THAP5: variants seen among roughly 807,000 people sequenced by gnomAD.
THAP5 encodes the protein THAP domain containing 5, also known as THAP domain-containing protein 5.
Under a neutral mutation model 34.0 loss-of-function variants are expected in THAP5, and 26 were observed. The observed-to-expected ratio is 0.77, with a 90% CI of 0.56 to 1.06. The LOEUF is 1.06. Among genes scored for constraint, THAP5 ranks in the 50% least tolerant of loss-of-function variants. The pLI is 0.00. For synonymous variants in THAP5, 125 were observed against 153.0 expected (o/e 0.82, Z 1.35); for missense variants, 394 against 452.8 (o/e 0.87, Z 1.18).
chr7:108,553,227 T>C (rs1025787117), downstream of THAP5, among the ~76,000 whole-genome samples: 1 of 152,140 alleles, frequency 6.6e-6, no homozygotes, highest in Middle Eastern at 3.4e-3. Context: ...TTTTTTTTAA[T>C]AGACAGGGTC....
At chr7:108,551,753 A>T (rs189972589), downstream of THAP5, among the ~76,000 whole-genome samples, 8 of 152,208 alleles carry the variant, frequency 5.3e-5, no homozygotes, top group Non-Finnish European at 8.8e-5. Context: ...ACATTAAAAA[A>T]TATAGATGCT....
rs1227004589 is a variant in THAP5, at chr7:108,562,979, A to G, written c.*1212T>C. 6.6e-6 allele frequency: 1 copy of G among 151,814 alleles called. No homozygotes were observed. The highest frequency in any genetic ancestry group is 6.6e-5 in the Admixed American group (1 of 15,230). The allele number at this position is 151,814 out of a possible 1,614,324, so 9.4% of individuals were successfully genotyped here. On this transcript the variant is annotated 3_prime_UTR_variant, in exon 3 of 3. Transcript: ENST00000415914. ...TTATTCTGGAATTTAACAATGAATA[A>G]GCACATATTTTAAAGGCCACACCTA...
intron 2 of THAP5, 144 bp downstream of exon 2, chr7:108,565,686 T>C (rs1032293089): frequency 3.5e-6 from 2 of 578,396 alleles, no homozygotes; most frequent in Non-Finnish European, 5.5e-6. Context: ...TTATCACTTT[T>C]AGTAAAAGCA....
At chr7:108,568,768 A>G (rs537908989) in intron 1 of THAP5, among the ~76,000 whole-genome samples, 2 of 152,312 alleles carry the variant, frequency 1.3e-5, no homozygotes, top group African/African-American at 2.4e-5. Context: ...ACCAAAGCTT[A>G]AATACTTTCC....
At chr7:108,546,794 G>A in the THAP5 span, among the ~76,000 whole-genome samples, 1 of 152,156 alleles carries the variant, frequency 6.6e-6, no homozygotes, top group African/African-American at 2.4e-5. Context: ...GTACTCTTCA[G>A]AAATACATTA....
chr7:108,550,966 C>T (rs892618995), downstream of THAP5, among the ~76,000 whole-genome samples: 2 of 152,028 alleles, frequency 1.3e-5, no homozygotes, highest in African/African-American at 4.8e-5. Flanking sequence ...TGGGAGATTC[C>T]TTCAACTTTA....
chr7:108,561,268 ATTTTTTT>A (rs34702798), downstream of THAP5, among the ~76,000 whole-genome samples: 2 of 148,050 alleles, frequency 1.4e-5, no homozygotes, highest in Non-Finnish European at 3.0e-5. Context: ...ACAACATACC[ATTTTTTT>A]TTTTTAAAGA....
downstream of THAP5, among the ~76,000 whole-genome samples, chr7:108,553,301 C>G (rs1436745572): frequency 6.6e-6 from 1 of 152,094 alleles, no homozygotes; most frequent in Non-Finnish European, 1.5e-5. Context: ...CCTTGGCCTC[C>G]CAAAGTGCTG....
Position 108,565,081 on chromosome 7 carries a change from A to G in THAP5, c.298T>C (p.Ser100Pro). The stretch of plus-strand genomic sequence containing the variant: ...TCATCTTCCAAGTTTTTCTTCTGGG[A>G]TTTTTTTTTAGAAGGGTCTTTTCCC... ...NQGKDPSKKK[S>P]QKKNLEDEKE... Residue 100 changes from serine to proline, a missense_variant, in exon 3 of 3, where the codon TCC (serine) becomes CCC (proline). Ser to Pro is a moderately conservative substitution (Grantham distance 74). Transcript: ENST00000415914. The G allele has an allele frequency of 2.0e-6, 3 of 1,507,674 alleles. No homozygotes were observed. The highest frequency in any genetic ancestry group is 2.7e-6 in the Non-Finnish European group (3 of 1,129,040). The allele number at this position is 1,507,674 out of a possible 1,614,324, so 93.4% of individuals were successfully genotyped here. A position where few individuals can be genotyped will look rare whatever the true frequency, so the allele number is the denominator to read the frequency against.
chr7:108,555,122 AG>A (rs1411857969), intron 1 of THAP5, among the ~76,000 whole-genome samples: 3 of 152,128 alleles, frequency 2.0e-5, no homozygotes, highest in Admixed American at 2.0e-4. Flanking sequence ...TATGCTAATT[AG>A]TGACCATTAA....
At chr7:108,550,054 G>A (rs1564006972), downstream of THAP5, among the ~76,000 whole-genome samples, 2 of 152,086 alleles carry the variant, frequency 1.3e-5, no homozygotes, top group Admixed American at 6.6e-5. Flanking sequence ...AAGATAAACA[G>A]TTTTTTTATT....
intron 1 of THAP5, among the ~76,000 whole-genome samples, chr7:108,567,479 A>T (rs1599014141): frequency 2.0e-5 from 3 of 152,000 alleles, no homozygotes; most frequent in African/African-American, 7.2e-5. Context: ...TCAACTCATT[A>T]AAAAAAACTT....
chr7:108,567,526 T>C (rs920877306), intron 1 of THAP5, among the ~76,000 whole-genome samples: 1 of 152,230 alleles, frequency 6.6e-6, no homozygotes, highest in South Asian at 2.1e-4. Flanking sequence ...TTGTATTGCT[T>C]CAATAGGTAA....
intron 1 of THAP5, among the ~76,000 whole-genome samples, chr7:108,568,117 C>T (rs1790525016): frequency 6.6e-6 from 1 of 152,202 alleles, no homozygotes; most frequent in South Asian, 2.1e-4. Flanking sequence ...TGTTTTCCTC[C>T]CCCAAACATC....
chr7:108,564,457 A>G lies in THAP5; in HGVS notation c.922T>C (p.Tyr308His). The change falls in exon 3 of 3, where the codon TAT becomes CAT. Residue 308 changes from tyrosine (Y) to histidine (H), a missense_variant. By Grantham distance (83) the Tyr-to-His change is moderately conservative. Coordinates refer to ENST00000415914, the MANE Select transcript of THAP5 (RefSeq NM_001130475.3). ...MEDTDIEDSL[Y>H]KDVDYGTEVL... is the part of the protein sequence containing the mutation. ...TCTGTCCCATAGTCTACATCCTTAT[A>G]CAAGGAGTCTTCAATGTCTGTGTCT... 1.2e-6 allele frequency: 2 copies of G among 1,613,958 alleles called. No individual in the cohort carries two copies. The highest frequency in any genetic ancestry group is 1.7e-6 in the Non-Finnish European group (2 of 1,179,918).
chr7:108,569,446 G>A (rs571350021), intron 1 of THAP5, 44 bp downstream of exon 1: 2 of 1,551,070 alleles, frequency 1.3e-6, no homozygotes, highest in Admixed American at 2.0e-5. Flanking sequence ...ACAGGTCCAA[G>A]GCCTCACGGC....
intron 1 of THAP5, among the ~76,000 whole-genome samples, chr7:108,555,092 T>C (rs1008093643): frequency 1.3e-5 from 2 of 152,176 alleles, no homozygotes; most frequent in Non-Finnish European, 2.9e-5. Flanking sequence ...AAAATATACC[T>C]ACCTAGGTTA....
rs760292216 is a variant in THAP5, at chr7:108,564,419, G to A, written c.960C>T (p.Ile320=). ...TATCTTGTCTGCAGTAAGAATGTTC[G>A]ATTTGTAAAACTTCTGTCCCATAGT... The part of the protein sequence containing the change: ...DVDYGTEVLQ[I]EHSYCRQDIN... The change falls in exon 3 of 3, where the codon ATC becomes ATT. Residue 320 remains isoleucine, a synonymous_variant. Transcript: ENST00000415914. 4.3e-6 allele frequency: 7 copies of A among 1,613,836 alleles called. No homozygotes were observed. Among genetic ancestry groups the A allele is most frequent in the African/African-American group, 4.0e-5 (3 of 75,034 alleles).
At chr7:108,554,500 C>A (rs1357383887), downstream of THAP5, 1 of 152,118 alleles carries the variant, frequency 6.6e-6, no homozygotes, top group Non-Finnish European at 1.5e-5. Flanking sequence ...AATTCCAGGT[C>A]AACCTCTAGC....
Sources: gnomAD v4.1 joint callset for allele counts (sites outside exome capture counted in the v4.1 genomes callset) on GRCh38, gnomAD v4.1.1 for gene constraint, MANE v1.5 for transcripts, NCBI Gene and HGNC (gene_info 2026-07-23, HGNC 2026-07-21) for gene names.